AKNAD1: variants seen among roughly 807,000 people sequenced by gnomAD.
AKNAD1 encodes the protein AKNA domain containing 1, also known as protein AKNAD1.
AKNAD1 carries 67 observed loss-of-function variants against 90.8 expected under a neutral mutation model. The ratio of observed to expected loss-of-function variants is 0.74; its 90% CI spans 0.61 to 0.90. The LOEUF (loss-of-function observed/expected upper bound fraction) is 0.90. Ranked by LOEUF, AKNAD1 falls within the 40% of genes least tolerant of loss-of-function variation. The pLI, the probability that AKNAD1 is intolerant of heterozygous loss-of-function variation, is 0.00. For missense variants in AKNAD1, 957 were observed against 975.4 expected, an observed-to-expected ratio of 0.98 and a Z score of 0.25; for synonymous variants, 327 against 341.4, an observed-to-expected ratio of 0.96 and a Z score of 0.46.
At chr1:108,829,755 G>A (rs950876248) in intron 10 of AKNAD1, among the ~76,000 whole-genome samples, 3 of 152,248 alleles carry the variant, frequency 2.0e-5, no homozygotes, top group Non-Finnish European at 2.9e-5. Flanking sequence ...AATCCATTAC[G>A]TACATATAAC....
chr1:108,825,197 C>A (rs1191339511), intron 11 of AKNAD1, among the ~76,000 whole-genome samples: 1 of 151,676 alleles, frequency 6.6e-6, no homozygotes, highest in Non-Finnish European at 1.5e-5. Context: ...TTGACCAAAC[C>A]TCATGAGAGA....
Position 108,816,046 on chromosome 1 carries a change from T to C in AKNAD1, c.*125A>G, listed in dbSNP as rs1292787162. 14 of 1,026,272 alleles carry C rather than the reference T, an allele frequency of 1.4e-5. No homozygotes were observed. Among genetic ancestry groups the C allele is most frequent in the Non-Finnish European group, 1.9e-5 (14 of 751,884 alleles). 63.6% of individuals were successfully genotyped at this position (1,026,272 alleles called of 1,614,324 possible). A position where few individuals can be genotyped will look rare whatever the true frequency, so the allele number is the denominator to read the frequency against. The stretch of plus-strand genomic sequence containing the variant: ...AGTACTTTGTGTTACCCATTTCTTA[T>C]GGTTTCTGTGTTTTCTCTAGAAAGT... On this transcript the variant is annotated 3_prime_UTR_variant, in exon 16 of 16. Coordinates refer to ENST00000370001, the MANE Select transcript of AKNAD1 (RefSeq NM_152763.5).
At chr1:108,852,837 G>A (rs1161387885) in intron 1 of AKNAD1, 70 bp from the exon 2 acceptor site, 2 of 529,436 alleles carry the variant, frequency 3.8e-6, no homozygotes, top group Non-Finnish European at 5.9e-6. Context: ...CCAGAACAAA[G>A]TGGATGTTTT....
At chr1:108,851,592 A>C in intron 2 of AKNAD1, 80 bp downstream of exon 2, 1 of 1,386,934 alleles carries the variant, frequency 7.2e-7, no homozygotes, top group Non-Finnish European at 9.7e-7. Context: ...ACCAAGCTCT[A>C]TTCACCCTCC....
chr1:108,816,690 A>C (rs992685183), intron 15 of AKNAD1, among the ~76,000 whole-genome samples: 2 of 152,174 alleles, frequency 1.3e-5, no homozygotes, highest in African/African-American at 2.4e-5. Flanking sequence ...AACATTTGAA[A>C]GTGGCCTGGG....
chr1:108,839,344 A>G (rs903008057), intron 6 of AKNAD1, among the ~76,000 whole-genome samples: 2 of 152,034 alleles, frequency 1.3e-5, no homozygotes, highest in African/African-American at 4.8e-5. Context: ...AACTTGGCGG[A>G]TGCTTGTAGT....
chr1:108,831,438 G>T (rs966292046), intron 9 of AKNAD1, among the ~76,000 whole-genome samples: 15 of 152,194 alleles, frequency 9.9e-5, no homozygotes, highest in Admixed American at 1.3e-4. Context: ...TTCCACAAAA[G>T]TTGTACAGAT....
At chr1:108,818,963 CAAAAAAAA>C in intron 14 of AKNAD1, among the ~76,000 whole-genome samples, 1 of 99,856 alleles carries the variant, frequency 1.0e-5, no homozygotes, top group Non-Finnish European at 2.0e-5. Flanking sequence ...AACTCCATCT[CAAAAAAAA>C]AAAAAAAAAA....
chr1:108,827,282 T>C lies in AKNAD1; in HGVS notation c.1859A>G (p.Lys620Arg). 3 of 1,608,460 alleles carry C rather than the reference T, an allele frequency of 1.9e-6. No homozygotes were observed. Among genetic ancestry groups the C allele is most frequent in the Non-Finnish European group, 2.5e-6 (3 of 1,177,062 alleles). Residue 620 changes from lysine (K) to arginine (R), a missense_variant, in exon 11 of 16, where the codon AAG becomes AGG. Transcript: ENST00000370001. ...LLEWKQNVEK[K>R]GHGRINCGRF... Reference sequence around the variant, plus strand: ...TCCACAGTTGATCCTTCCGTGGCCCTTTTTCTCCACGTTTTGCTTCCTAAA... The same window carrying C: ...TCCACAGTTGATCCTTCCGTGGCCCCTTTTCTCCACGTTTTGCTTCCTAAA...
chr1:108,841,718 G>T (rs1314097529), intron 6 of AKNAD1, among the ~76,000 whole-genome samples: 2 of 152,220 alleles, frequency 1.3e-5, no homozygotes, highest in African/African-American at 4.8e-5. Context: ...GAACCCAAGG[G>T]TTGTATGGGA....
intron 6 of AKNAD1, 41 bp from the exon 7 acceptor site, chr1:108,837,747 G>T (rs1211385844): frequency 1.9e-6 from 3 of 1,599,308 alleles, no homozygotes; most frequent in Non-Finnish European, 2.6e-6. Context: ...TGGGCTATGT[G>T]GTTGGCATTC....
At chr1:108,833,363 A>C (rs1158375676) in intron 9 of AKNAD1, among the ~76,000 whole-genome samples, 1 of 152,156 alleles carries the variant, frequency 6.6e-6, no homozygotes, top group Non-Finnish European at 1.5e-5. Flanking sequence ...TGGGTGGATC[A>C]CCTGAGGTCG....
Position 108,821,198 on chromosome 1 carries a change from C to T in AKNAD1, c.2168-572G>A, listed in dbSNP as rs1663802235. Among the ~76,000 whole-genome samples the T allele has an allele frequency of 2.0e-5, 3 of 152,140 alleles. No homozygotes were observed. In the South Asian group the frequency reaches 6.2e-4, roughly 32 times the overall value. On this transcript the variant is annotated intron_variant, in intron 13 of 15. Coordinates refer to ENST00000370001, the MANE Select transcript of AKNAD1 (RefSeq NM_152763.5). ...AGGCGTGGTGGCTCATGTTTTTAATCCCAGCACTTTGGGAGGCCGAGGTGG... is the reference window on the plus strand; with the variant it reads ...AGGCGTGGTGGCTCATGTTTTTAATTCCAGCACTTTGGGAGGCCGAGGTGG...
chr1:108,827,159 G>T, intron 11 of AKNAD1, 46 bp downstream of exon 11: 1 of 1,439,770 alleles, frequency 6.9e-7, no homozygotes, highest in African/African-American at 1.4e-5. Flanking sequence ...ACCCCATGGG[G>T]AGGGACACTG....
intron 5 of AKNAD1, among the ~76,000 whole-genome samples, chr1:108,844,519 A>G (rs1664649145): frequency 6.6e-6 from 1 of 152,116 alleles, no homozygotes; most frequent in Admixed American, 6.5e-5. Context: ...GGCATAAAGG[A>G]TGCTCTGGAG....
At chr1:108,830,307 C>A (rs993290791) in intron 10 of AKNAD1, among the ~76,000 whole-genome samples, 1 of 152,174 alleles carries the variant, frequency 6.6e-6, no homozygotes, top group Admixed American at 6.5e-5. Flanking sequence ...GATGCTGAGA[C>A]AGTAGGTGGG....
chr1:108,839,433 A>T (rs1664471458), intron 6 of AKNAD1, among the ~76,000 whole-genome samples: 2 of 143,262 alleles, frequency 1.4e-5, no homozygotes, highest in South Asian at 4.4e-4. Context: ...AGATCGCGCC[A>T]CTGCACTCCA....
chr1:108,816,820 C>T (rs901427168), intron 15 of AKNAD1: 2 of 461,928 alleles, frequency 4.3e-6, no homozygotes, highest in African/African-American at 4.0e-5. Flanking sequence ...GCACCACCCA[C>T]AAATCACTTT....
intron 14 of AKNAD1, chr1:108,817,433 A>C (rs1663647207): frequency 3.5e-6 from 1 of 282,128 alleles, no homozygotes; most frequent in Non-Finnish European, 6.4e-6. Flanking sequence ...AAGAGGCAAG[A>C]CTCTAAACAC....
Sources: gnomAD v4.1 joint callset for allele counts (sites outside exome capture counted in the v4.1 genomes callset) on GRCh38, gnomAD v4.1.1 for gene constraint, MANE v1.5 for transcripts, NCBI Gene and HGNC (gene_info 2026-07-23, HGNC 2026-07-21) for gene names.